AVEN: variants seen among roughly 807,000 people sequenced by gnomAD.
The protein encoded by AVEN is apoptosis and caspase activation inhibitor, also known as cell death regulator Aven.
AVEN carries 41 observed loss-of-function variants against 38.1 expected under a neutral mutation model. The ratio of observed to expected loss-of-function variants is 1.08; its 90% CI spans 0.84 to 1.40. The LOEUF (loss-of-function observed/expected upper bound fraction) is 1.40. Ranked by LOEUF, AVEN falls within the 40% of genes most tolerant of loss-of-function variation. AVEN has a pLI of 0.00. For missense variants in AVEN, 605 were observed against 438.8 expected (o/e 1.38, Z -3.38); for synonymous variants, 206 against 171.8 (o/e 1.20, Z -1.56).
At chr15:33,915,667 C>T (rs1893109483) in intron 2 of AVEN, among the ~76,000 whole-genome samples, 1 of 152,244 alleles carries the variant, frequency 6.6e-6, no homozygotes, top group East Asian at 1.9e-4. Flanking sequence ...TTTTCCTGGA[C>T]AGAACTCGGG....
the AVEN span, chr15:33,853,110 A>G: frequency 0.037 from 58,124 of 1,558,766 alleles, 1,426 homozygotes; most frequent in Non-Finnish European, 0.039. Flanking sequence ...AGTGGGGGTG[A>G]GTTCCGTGAT....
chr15:33,865,269 C>A (rs2153030025), downstream of AVEN: 2 of 1,429,118 alleles, frequency 1.4e-6, no homozygotes, highest in Non-Finnish European at 2.0e-6. Flanking sequence ...AGTCAACTTC[C>A]CATGAAATAA....
intron 1 of AVEN, among the ~76,000 whole-genome samples, chr15:34,070,695 A>T (rs1900609790): frequency 6.6e-6 from 1 of 152,212 alleles, no homozygotes. Flanking sequence ...ATCTACTGAT[A>T]TTGAGAGCTA....
At position 33,901,663 on chromosome 15, in the gene AVEN, C is replaced by G. The variant is rs534568123; in HGVS notation, c.446-25668G>C. Among the ~76,000 whole-genome samples, 3 of 152,302 alleles carry G rather than the reference C, an allele frequency of 2.0e-5. No individual in the cohort carries two copies. The South Asian group carries it at 6.2e-4, about 32-fold the overall frequency. On this transcript the variant is annotated intron_variant, in intron 2 of 5. Coordinates refer to ENST00000306730, the MANE Select transcript of AVEN (RefSeq NM_020371.3). Reference sequence around the variant, plus strand: ...TGCCAGGGTTCCCTTTTCTCAACACCTCACCAACATTTACATCTTGACTTT... The same window carrying G: ...TGCCAGGGTTCCCTTTTCTCAACACGTCACCAACATTTACATCTTGACTTT...
At chr15:33,878,244 G>A (rs1429403165) in intron 2 of AVEN, among the ~76,000 whole-genome samples, 3 of 151,768 alleles carry the variant, frequency 2.0e-5, no homozygotes, top group Non-Finnish European at 4.4e-5. Flanking sequence ...TTTTTTAAAT[G>A]GTAAAGAAGT....
At chr15:33,987,948 G>C (rs1567451323) in intron 2 of AVEN, among the ~76,000 whole-genome samples, 1 of 152,168 alleles carries the variant, frequency 6.6e-6, no homozygotes. Context: ...CTCTGTGACT[G>C]TCTACACAAG....
chr15:33,946,929 A>G (rs1444571423), intron 2 of AVEN, among the ~76,000 whole-genome samples: 1 of 152,068 alleles, frequency 6.6e-6, no homozygotes, highest in Non-Finnish European at 1.5e-5. Context: ...GCTTTAAAAC[A>G]CTCAAGAGTC....
intron 2 of AVEN, among the ~76,000 whole-genome samples, chr15:33,956,105 TCCGCGGTG>T: frequency 6.6e-6 from 1 of 152,292 alleles, no homozygotes; most frequent in South Asian, 2.1e-4. Context: ...GCCGTCTGCC[TCCGCGGTG>T]ACCAGCATTT....
downstream of AVEN, chr15:33,855,783 TTGACTC>T (rs1340633992): frequency 1.2e-4 from 19 of 152,268 alleles, no homozygotes; most frequent in Admixed American, 1.1e-3. Flanking sequence ...AATCAAGAAA[TTGACTC>T]TGACAATATA....
At position 33,935,525 on chromosome 15, in the gene AVEN, T is replaced by A. The variant is rs576868245; in HGVS notation, c.446-59530A>T. ...ATATATGTGTGTGAGTATATATATGTGTATATATATGTGTGTGTATATATA... is the reference window on the plus strand; with the variant it reads ...ATATATGTGTGTGAGTATATATATGAGTATATATATGTGTGTGTATATATA... On this transcript the variant is annotated intron_variant, in intron 2 of 5. Coordinates refer to ENST00000306730, the MANE Select transcript of AVEN (RefSeq NM_020371.3). Among the ~76,000 whole-genome samples, 5 of 152,286 alleles carry A rather than the reference T, an allele frequency of 3.3e-5. No individual in the cohort carries two copies. The South Asian group carries it at 1.0e-3, about 32-fold the overall frequency.
rs187848612 is a variant in AVEN at position 33,931,748 on chromosome 15, A to T, written c.446-55753T>A. ...TAAATTCTCTTATTTTACTTTTTTT[A>T]AAAAAATAAAGAGCTTGGTCATTAG... On this transcript the variant is annotated intron_variant, in intron 2 of 5. Coordinates refer to ENST00000306730, the MANE Select transcript of AVEN (RefSeq NM_020371.3). 5.5e-3 allele frequency among the ~76,000 whole-genome samples: 836 copies of T among 152,222 alleles called. 7 individuals are homozygous for T. The highest frequency in any genetic ancestry group is 0.022 in the East Asian group (114 of 5,192).
intron 2 of AVEN, among the ~76,000 whole-genome samples, chr15:33,881,778 G>A (rs1308258912): frequency 6.6e-6 from 1 of 152,174 alleles, no homozygotes; most frequent in Non-Finnish European, 1.5e-5. Flanking sequence ...AAGATAGCAA[G>A]GGGTATTCAC....
chr15:34,052,347 C>T (rs1168110235), intron 5 of AVEN, among the ~76,000 whole-genome samples: 1 of 152,098 alleles, frequency 6.6e-6, no homozygotes, highest in Non-Finnish European at 1.5e-5. Flanking sequence ...AAACATACCA[C>T]AAAATAATAA....
chr15:34,012,771 G>A (rs1015486988), intron 1 of AVEN, among the ~76,000 whole-genome samples: 8 of 152,152 alleles, frequency 5.3e-5, no homozygotes, highest in African/African-American at 1.9e-4. Flanking sequence ...AAGCATTACT[G>A]AACTAGAAGG....
At chr15:34,060,516 G>A (rs1900298364) in intron 5 of AVEN, among the ~76,000 whole-genome samples, 1 of 152,150 alleles carries the variant, frequency 6.6e-6, no homozygotes, top group Admixed American at 6.5e-5. Context: ...TGTCAAGACT[G>A]GCCATAGGCA....
chr15:34,036,073 A>G (rs774768757), intron 1 of AVEN, among the ~76,000 whole-genome samples: 2 of 151,832 alleles, frequency 1.3e-5, no homozygotes, highest in South Asian at 2.1e-4. Flanking sequence ...TGGGATTACA[A>G]GCGCGAGCCA....
chr15:33,961,812 C>CAA (rs138076873), intron 2 of AVEN, among the ~76,000 whole-genome samples: 2 of 71,964 alleles, frequency 2.8e-5, no homozygotes, highest in African/African-American at 5.8e-5. Context: ...GACTCTGTCT[C>CAA]AAAAAAAAAA....
At chr15:34,053,940 G>GATGGAT (rs1317191335) in intron 5 of AVEN, among the ~76,000 whole-genome samples, 4 of 151,934 alleles carry the variant, frequency 2.6e-5, no homozygotes, top group Non-Finnish European at 5.9e-5. Flanking sequence ...CTGACAAAGG[G>GATGGAT]CTAATATCCA....
At chr15:33,878,650 G>C (rs116867322) in intron 2 of AVEN, among the ~76,000 whole-genome samples, 4,938 of 152,176 alleles carry the variant, frequency 0.032, 155 homozygotes, top group Non-Finnish European at 0.039. Flanking sequence ...AAACTCAAAA[G>C]ATGACAGGCT....
Sources: allele counts gnomAD v4.1 joint callset (sites outside exome capture counted in the v4.1 genomes callset), GRCh38; gene constraint gnomAD v4.1.1; transcripts MANE v1.5; gene names NCBI Gene and HGNC (gene_info 2026-07-23, HGNC 2026-07-21).